The following PTP4A1 variants were observed in gnomAD, a reference collection of about 807,000 sequenced individuals.
PTP4A1 encodes protein tyrosine phosphatase 4A1, also known as protein tyrosine phosphatase type IVA 1.
Under a neutral mutation model 20.5 loss-of-function variants are expected in PTP4A1, and 9 were observed. The observed-to-expected ratio is 0.44, with a 90% CI of 0.26 to 0.77. The LOEUF is 0.77. Ranked by LOEUF, PTP4A1 falls within the 30% of genes least tolerant of loss-of-function variation. The pLI is 0.19. For synonymous variants in PTP4A1, 78 were observed against 67.4 expected, an observed-to-expected ratio of 1.16 and a Z score of -0.77; for missense variants, 137 against 218.8, an observed-to-expected ratio of 0.63 and a Z score of 2.36.
At chr6:63,562,168 T>C (rs559692819) in intron 3 of PTP4A1, among the ~76,000 whole-genome samples, 7 of 152,194 alleles carry the variant, frequency 4.6e-5, no homozygotes, top group Non-Finnish European at 1.0e-4. Flanking sequence ...CAATTATTTA[T>C]TTATCTTAAA....
intron 3 of PTP4A1, among the ~76,000 whole-genome samples, chr6:63,550,938 T>G (rs1776412061): frequency 6.6e-6 from 1 of 152,166 alleles, no homozygotes; most frequent in Non-Finnish European, 1.5e-5. Context: ...ATAATTTTTT[T>G]CAAATAACCT....
rs1778352275 is a variant in PTP4A1, at chr6:63,583,196, GAT to G, written c.*3025_*3026del. On this transcript the variant is annotated 3_prime_UTR_variant, in exon 6 of 6. Transcript: ENST00000626021. ...AAGGGAAGTGGAAGTATAAGTGAAT[GAT>G]ATTTTTCTTTTACATGTAAACAATG... is the stretch of plus-strand genomic sequence containing the variant. 6.6e-6 allele frequency: 1 copy of G among 152,120 alleles called. No individual in the cohort carries two copies. Among genetic ancestry groups the G allele is most frequent in the East Asian group, 1.9e-4 (1 of 5,198 alleles). The allele number at this position is 152,120 out of a possible 1,614,324, so 9.4% of individuals were successfully genotyped here.
At chr6:63,528,648 C>T (rs1172325086) in intron 2 of PTP4A1, among the ~76,000 whole-genome samples, 1 of 152,092 alleles carries the variant, frequency 6.6e-6, no homozygotes, top group Non-Finnish European at 1.5e-5. Flanking sequence ...GTCATCCCAG[C>T]TACTCAGGAG....
chr6:63,583,567 A>G lies in PTP4A1; in HGVS notation c.*3393A>G, dbSNP rs929275018. On this transcript the variant is annotated 3_prime_UTR_variant, in exon 6 of 6. Transcript: ENST00000626021. ...TATATATTGCCGCAGTAACCAGTTA[A>G]TAAATTGATAGCTACCATTTATTAA... The G allele has an allele frequency of 1.3e-5, 2 of 152,210 alleles. No individual in the cohort carries two copies. Among genetic ancestry groups the G allele is most frequent in the Admixed American group, 6.5e-5 (1 of 15,292 alleles). 9.4% of individuals were successfully genotyped at this position (152,210 alleles called of 1,614,324 possible).
intron 3 of PTP4A1, among the ~76,000 whole-genome samples, chr6:63,557,828 T>C (rs1397656173): frequency 6.6e-6 from 1 of 152,072 alleles, no homozygotes; most frequent in Non-Finnish European, 1.5e-5. Flanking sequence ...GTAGGATCAT[T>C]GGAGGATTTT....
chr6:63,541,093 T>C (rs1405022857), intron 2 of PTP4A1, among the ~76,000 whole-genome samples: 1 of 152,018 alleles, frequency 6.6e-6, no homozygotes, highest in Non-Finnish European at 1.5e-5. Context: ...GAATGAATAG[T>C]GTGCCCTAAA....
chr6:63,529,163 GTATATATATATA>G (rs67954410), intron 2 of PTP4A1, among the ~76,000 whole-genome samples: 12 of 137,524 alleles, frequency 8.7e-5, no homozygotes, highest in Non-Finnish European at 1.2e-4. Flanking sequence ...ATATATGTGT[GTATATATATATA>G]TGTATATATA....
intron 2 of PTP4A1, among the ~76,000 whole-genome samples, chr6:63,529,319 C>A (rs779722628): frequency 3.5e-4 from 53 of 150,042 alleles, no homozygotes; most frequent in Non-Finnish European, 6.8e-4. Flanking sequence ...ACATTTGATA[C>A]ATAAAATGGT....
intron 3 of PTP4A1, among the ~76,000 whole-genome samples, chr6:63,563,153 CTCTAGGGCCT>C: frequency 6.6e-6 from 1 of 152,342 alleles, no homozygotes; most frequent in East Asian, 1.9e-4. Flanking sequence ...AATAATTCTA[CTCTAGGGCCT>C]TCTCCAATCC....
Position 63,572,524 on chromosome 6 carries a change from C to A in PTP4A1, c.-641C>A, listed in dbSNP as rs1010561642. 2.6e-6 allele frequency: 1 copy of A among 390,952 alleles called. No individual in the cohort carries two copies. The highest frequency in any genetic ancestry group is 2.1e-5 in the African/African-American group (1 of 48,162). The allele number at this position is 390,952 out of a possible 1,614,324, so 24.2% of individuals were successfully genotyped here. On this transcript the variant is annotated 5_prime_UTR_variant, in exon 1 of 6. Transcript: ENST00000626021. ...CTCCTTCGGCTGCGGGCCGGCTCGG[C>A]TACGCGCTCTGCTCCGAGCCGCTCA... is the stretch of plus-strand genomic sequence containing the variant.
intron 2 of PTP4A1, among the ~76,000 whole-genome samples, chr6:63,541,227 C>A (rs1220294721): frequency 6.6e-6 from 1 of 152,114 alleles, no homozygotes; most frequent in African/African-American, 2.4e-5. Flanking sequence ...CAATATCTCC[C>A]ATTGCCTCCC....
intron 2 of PTP4A1, among the ~76,000 whole-genome samples, chr6:63,537,959 C>A (rs1255098590): frequency 6.6e-6 from 1 of 152,200 alleles, no homozygotes; most frequent in Admixed American, 6.5e-5. Context: ...GATGTAGTGT[C>A]ACAGACAAAT....
intron 2 of PTP4A1, among the ~76,000 whole-genome samples, chr6:63,540,261 G>A (rs60225418): frequency 3.0e-4 from 45 of 152,186 alleles, no homozygotes; most frequent in African/African-American, 1.1e-3. Flanking sequence ...GAGCCCAGAT[G>A]TATATAGAAT....
chr6:63,517,571 G>T (rs1346352032), upstream of PTP4A1, among the ~76,000 whole-genome samples: 1 of 152,042 alleles, frequency 6.6e-6, no homozygotes, highest in African/African-American at 2.4e-5. Context: ...AAACAATTTT[G>T]TAAAGGGAAA....
At chr6:63,517,185 C>T (rs1774759691), upstream of PTP4A1, among the ~76,000 whole-genome samples, 1 of 152,062 alleles carries the variant, frequency 6.6e-6, no homozygotes, top group Non-Finnish European at 1.5e-5. Flanking sequence ...TATGGTCTAA[C>T]TATTCAGAAA....
chr6:63,551,733 G>C (rs1474807304), intron 3 of PTP4A1, among the ~76,000 whole-genome samples: 1 of 135,596 alleles, frequency 7.4e-6, no homozygotes. Flanking sequence ...TCCCCTTCCT[G>C]TGTCCATGTG....
At chr6:63,558,052 A>G (rs1776766377) in intron 3 of PTP4A1, among the ~76,000 whole-genome samples, 1 of 151,922 alleles carries the variant, frequency 6.6e-6, no homozygotes. Context: ...TTGTATTTTT[A>G]GTAGAGACGG....
chr6:63,575,365 T>G (rs1777787552), intron 1 of PTP4A1, among the ~76,000 whole-genome samples: 1 of 152,216 alleles, frequency 6.6e-6, no homozygotes, highest in South Asian at 2.1e-4. Context: ...CACAAGTACC[T>G]TATAAACTAT....
At position 63,582,056 on chromosome 6, in the gene PTP4A1, C is replaced by T. The variant is rs191348222; in HGVS notation, c.*1882C>T. The T allele has an allele frequency of 6.6e-6, 1 of 152,216 alleles. No homozygotes were observed. Among genetic ancestry groups the T allele is most frequent in the Non-Finnish European group, 1.5e-5 (1 of 67,992 alleles). The allele number at this position is 152,216 out of a possible 1,614,324, so 9.4% of individuals were successfully genotyped here. On this transcript the variant is annotated 3_prime_UTR_variant, in exon 6 of 6. Transcript: ENST00000626021. Reference sequence around the variant, plus strand: ...GTTCCACCTCTTCATACCAGTTTAACACTTAATATATTTCATTGGATTTTA... The same window carrying T: ...GTTCCACCTCTTCATACCAGTTTAATACTTAATATATTTCATTGGATTTTA...
Sources: allele counts gnomAD v4.1 joint callset (sites outside exome capture counted in the v4.1 genomes callset), GRCh38; gene constraint gnomAD v4.1.1; transcripts MANE v1.5; gene names NCBI Gene and HGNC (gene_info 2026-07-23, HGNC 2026-07-21).